The following CNOT7 variants were observed in gnomAD, a reference collection of about 807,000 sequenced individuals.
CNOT7 encodes BTG1-binding factor 1.
In CNOT7, 4 loss-of-function variants were observed where a neutral mutation model predicts 37.1. The observed-to-expected ratio is 0.11, with a 90% CI of 0.05 to 0.25. CNOT7 has a LOEUF of 0.25. Ranked by LOEUF, CNOT7 falls within the 10% of genes least tolerant of loss-of-function variation. The pLI is 1.00. For synonymous variants in CNOT7, 128 were observed against 115.6 expected (o/e 1.11, Z -0.69); for missense variants, 170 against 336.2 (o/e 0.51, Z 3.87).
At chr8:17,239,198 A>G (rs545424997) in intron 3 of CNOT7, among the ~76,000 whole-genome samples, 63 of 151,936 alleles carry the variant, frequency 4.1e-4, no homozygotes, top group African/African-American at 1.4e-3. Flanking sequence ...GACTACAGAT[A>G]TGAGCCACCA....
chr8:17,230,953 T>A (rs994488313), intron 6 of CNOT7, 105 bp from the exon 7 acceptor site: 1 of 769,062 alleles, frequency 1.3e-6, no homozygotes. Context: ...CTGACAATAA[T>A]GATGGCTCTT....
At chr8:17,238,959 G>A (rs1809768222) in intron 3 of CNOT7, among the ~76,000 whole-genome samples, 1 of 152,182 alleles carries the variant, frequency 6.6e-6, no homozygotes, top group African/African-American at 2.4e-5. Flanking sequence ...CTTGTCAAGT[G>A]CCTATCTTTA....
Position 17,229,598 on chromosome 8 carries a change from A to G in CNOT7, c.*1122T>C, listed in dbSNP as rs903708142. The G allele has an allele frequency of 6.6e-6, 1 of 152,032 alleles. No individual in the cohort carries two copies. The highest frequency in any genetic ancestry group is 1.5e-5 in the Non-Finnish European group (1 of 67,800). 9.4% of individuals were successfully genotyped at this position (152,032 alleles called of 1,614,324 possible). A position where few individuals can be genotyped will look rare whatever the true frequency, so the allele number is the denominator to read the frequency against. Reference sequence around the variant, plus strand: ...TTGCAAAGATATACACAAAAAAATAAGCATTACACTCCTCAGGTAATTTTA... The same window carrying G: ...TTGCAAAGATATACACAAAAAAATAGGCATTACACTCCTCAGGTAATTTTA... On this transcript the variant is annotated 3_prime_UTR_variant, in exon 7 of 7. Transcript: ENST00000361272.
chr8:17,245,885 TAAAC>T (rs948115697), intron 1 of CNOT7: 5 of 152,130 alleles, frequency 3.3e-5, no homozygotes, highest in South Asian at 4.1e-4. Context: ...TTCTGGTCTA[TAAAC>T]AGAGTTCCTG....
At chr8:17,245,609 G>A (rs1810860707) in intron 1 of CNOT7, among the ~76,000 whole-genome samples, 1 of 152,144 alleles carries the variant, frequency 6.6e-6, no homozygotes, top group African/African-American at 2.4e-5. Context: ...CATGTGACAA[G>A]ATCAGATGTT....
At chr8:17,232,964 A>G (rs1808826287) in intron 5 of CNOT7, among the ~76,000 whole-genome samples, 1 of 152,206 alleles carries the variant, frequency 6.6e-6, no homozygotes, top group Admixed American at 6.5e-5. Context: ...GTTTTCACTT[A>G]ATTTTTACAA....
At chr8:17,244,208 T>C (rs997220472) in intron 2 of CNOT7, 1 of 154,136 alleles carries the variant, frequency 6.5e-6, no homozygotes, top group Non-Finnish European at 1.4e-5. Context: ...ATAGACAGTA[T>C]AATGGTAAAG....
Position 17,226,536 on chromosome 8 carries a change from C to A in CNOT7, c.*4184G>T, listed in dbSNP as rs1456815207. 6.6e-6 allele frequency: 1 copy of A among 151,508 alleles called. No homozygotes were observed. The highest frequency in any genetic ancestry group is 1.5e-5 in the Non-Finnish European group (1 of 67,676). 9.4% of individuals were successfully genotyped at this position (151,508 alleles called of 1,614,324 possible). A position where few individuals can be genotyped will look rare whatever the true frequency, so the allele number is the denominator to read the frequency against. On this transcript the variant is annotated 3_prime_UTR_variant, in exon 7 of 7. Transcript: ENST00000361272. ...GTCATTCATTCAAGATGATTCATTT[C>A]CAACAGAAGATTAAGAGGAAACTTT...
rs1808134995 is a variant in CNOT7 at position 17,226,047 on chromosome 8, T to G, written c.*4673A>C. On this transcript the variant is annotated 3_prime_UTR_variant, in exon 7 of 7. Coordinates refer to ENST00000361272, the MANE Select transcript of CNOT7 (RefSeq NM_013354.7). Reference sequence around the variant, plus strand: ...GACAAGCCTTTTTTTTTTTTTTTTTTTTTTTTTTGAAAAGGGCAGGTAGCA... The same window carrying G: ...GACAAGCCTTTTTTTTTTTTTTTTTGTTTTTTTTGAAAAGGGCAGGTAGCA... The G allele has an allele frequency of 6.9e-6, 1 of 144,482 alleles. No individual in the cohort carries two copies. Among genetic ancestry groups the G allele is most frequent in the East Asian group, 2.0e-4 (1 of 5,036 alleles). 9.0% of individuals were successfully genotyped at this position (144,482 alleles called of 1,614,324 possible). A position where few individuals can be genotyped will look rare whatever the true frequency, so the allele number is the denominator to read the frequency against.
intron 5 of CNOT7, among the ~76,000 whole-genome samples, chr8:17,233,164 C>A (rs1051639919): frequency 6.6e-6 from 1 of 151,802 alleles, no homozygotes; most frequent in Admixed American, 6.6e-5. Flanking sequence ...AAGACAGTAA[C>A]AGAAGGAAAG....
intron 3 of CNOT7, 166 bp from the exon 4 acceptor site, chr8:17,237,539 C>T (rs908029992): frequency 2.4e-5 from 14 of 572,188 alleles, no homozygotes; most frequent in Non-Finnish European, 4.3e-5. Flanking sequence ...AATTTAAATA[C>T]AAAGGTCATT....
rs1052857354 is a variant in CNOT7 at position 17,228,797 on chromosome 8, C to A, written c.*1923G>T. ...CCTATTTGAAATCCAGCATTGATTT[C>A]TCAAATAGTTGAACAGAATTTAAAT... On this transcript the variant is annotated 3_prime_UTR_variant, in exon 7 of 7. Transcript: ENST00000361272. The A allele has an allele frequency of 1.1e-4, 16 of 151,922 alleles. No homozygotes were observed. The highest frequency in any genetic ancestry group is 3.9e-4 in the African/African-American group (16 of 41,420). 9.4% of individuals were successfully genotyped at this position (151,922 alleles called of 1,614,324 possible). A position where few individuals can be genotyped will look rare whatever the true frequency, so the allele number is the denominator to read the frequency against.
intron 3 of CNOT7, among the ~76,000 whole-genome samples, chr8:17,239,002 A>G (rs1809774354): frequency 6.6e-6 from 1 of 152,186 alleles, no homozygotes; most frequent in South Asian, 2.1e-4. Flanking sequence ...TAACTCATGA[A>G]CACACAAATA....
Position 17,226,628 on chromosome 8 carries a change from C to T in CNOT7, c.*4092G>A, listed in dbSNP as rs1297790030. 6.6e-6 allele frequency: 1 copy of T among 151,514 alleles called. No homozygotes were observed. The highest frequency in any genetic ancestry group is 6.6e-5 in the Admixed American group (1 of 15,186). 9.4% of individuals were successfully genotyped at this position (151,514 alleles called of 1,614,324 possible). On this transcript the variant is annotated 3_prime_UTR_variant, in exon 7 of 7. Coordinates refer to ENST00000361272, the MANE Select transcript of CNOT7 (RefSeq NM_013354.7). ...ATTTTCTTTGCACTGCATCAAGGTCCAAAAAACTGCTACAGGAAAATATAT... is the reference window on the plus strand; with the variant it reads ...ATTTTCTTTGCACTGCATCAAGGTCTAAAAAACTGCTACAGGAAAATATAT...
rs1811223233 is a variant in CNOT7, at chr8:17,246,805, G to A, written c.-226C>T. 1.4e-5 allele frequency: 3 copies of A among 208,034 alleles called. No homozygotes were observed. The Admixed American group carries it at 1.7e-4, about 12-fold the overall frequency. 12.9% of individuals were successfully genotyped at this position (208,034 alleles called of 1,614,324 possible). Reference sequence around the variant, plus strand: ...CATAGACACCTCTCGCCCAGCGAAGGGAAAGGCGAGCAGGAGCTGCGCCGC... The same window carrying A: ...CATAGACACCTCTCGCCCAGCGAAGAGAAAGGCGAGCAGGAGCTGCGCCGC... On this transcript the variant is annotated 5_prime_UTR_variant, in exon 1 of 7. Transcript: ENST00000361272.
intron 6 of CNOT7, among the ~76,000 whole-genome samples, 162 bp from the exon 7 acceptor site, chr8:17,231,010 G>A (rs1367716947): frequency 1.3e-5 from 2 of 152,062 alleles, no homozygotes; most frequent in African/African-American, 4.8e-5. Context: ...CAATGAGTAA[G>A]ACTAATGTCC....
At position 17,225,865 on chromosome 8, in the gene CNOT7, C is replaced by G. The variant is rs1472563587; in HGVS notation, c.*4855G>C. 3 of 151,480 alleles carry G rather than the reference C, an allele frequency of 2.0e-5. No homozygotes were observed. The highest frequency in any genetic ancestry group is 7.3e-5 in the African/African-American group (3 of 41,328). 9.4% of individuals were successfully genotyped at this position (151,480 alleles called of 1,614,324 possible). A position where few individuals can be genotyped will look rare whatever the true frequency, so the allele number is the denominator to read the frequency against. ...TTTCCTATCCCTTTATTTATAAATTCTAACACATTTATTTTATAGACATGA... is the reference window on the plus strand; with the variant it reads ...TTTCCTATCCCTTTATTTATAAATTGTAACACATTTATTTTATAGACATGA... On this transcript the variant is annotated 3_prime_UTR_variant, in exon 7 of 7. Coordinates refer to ENST00000361272, the MANE Select transcript of CNOT7 (RefSeq NM_013354.7).
chr8:17,225,941 G>A lies in CNOT7; in HGVS notation c.*4779C>T, dbSNP rs1231422084. On this transcript the variant is annotated 3_prime_UTR_variant, in exon 7 of 7. Transcript: ENST00000361272. ...TTCCACCTCAGGTTGCCTACCCAGAGGAGCCACTGCATTTGGCAATGCAGA... is the reference window on the plus strand; with the variant it reads ...TTCCACCTCAGGTTGCCTACCCAGAAGAGCCACTGCATTTGGCAATGCAGA... 2.0e-5 allele frequency: 3 copies of A among 147,100 alleles called. No individual in the cohort carries two copies. The highest frequency in any genetic ancestry group is 4.5e-5 in the Non-Finnish European group (3 of 66,816). 9.1% of individuals were successfully genotyped at this position (147,100 alleles called of 1,614,324 possible).
chr8:17,234,716 T>C lies in CNOT7; in HGVS notation c.618A>G (p.Lys206=). 1 of 1,614,048 alleles carries C rather than the reference T, an allele frequency of 6.2e-7. No individual in the cohort carries two copies. The highest frequency in any genetic ancestry group is 8.5e-7 in the Non-Finnish European group (1 of 1,179,958). ...TAGATAATGCCATCCGAAGCCTTAC[T>C]TTGAGATTTTTGCAGCTCTTCATGA... ...KYLMKSCKNL[K]GGLQEVAEQL... Residue 206 remains lysine (K), a splice_region_variant and synonymous_variant, in exon 5 of 7, where the codon AAA becomes AAG. Coordinates refer to ENST00000361272, the MANE Select transcript of CNOT7 (RefSeq NM_013354.7).
Sources: gnomAD v4.1 joint callset for allele counts (sites outside exome capture counted in the v4.1 genomes callset) on GRCh38, gnomAD v4.1.1 for gene constraint, MANE v1.5 for transcripts, NCBI Gene and HGNC (gene_info 2026-07-23, HGNC 2026-07-21) for gene names.